ERBIN: variants seen among roughly 807,000 people sequenced by gnomAD.
ERBIN encodes erbb2 interacting protein.
ERBIN carries 60 observed loss-of-function variants against 158.4 expected under a neutral mutation model. The observed-to-expected ratio is 0.38, with a 90% CI of 0.31 to 0.47. The LOEUF is 0.47. Among genes scored for constraint, ERBIN ranks in the 20% least tolerant of loss-of-function variants. The pLI is 0.99. For synonymous variants in ERBIN, 594 were observed against 557.2 expected, an observed-to-expected ratio of 1.07 and a Z score of -0.93; for missense variants, 1,610 against 1,648.0, an observed-to-expected ratio of 0.98 and a Z score of 0.40.
chr5:65,981,635 A>C (rs1750661424), intron 1 of ERBIN, among the ~76,000 whole-genome samples: 1 of 151,064 alleles, frequency 6.6e-6, no homozygotes, highest in Non-Finnish European at 1.5e-5. Flanking sequence ...ATTTTGTTTT[A>C]GTTATTTTTA....
chr5:66,062,483 T>G (rs1222791774), intron 21 of ERBIN, among the ~76,000 whole-genome samples: 1 of 152,226 alleles, frequency 6.6e-6, no homozygotes, highest in African/African-American at 2.4e-5. Context: ...TGCCATTGGT[T>G]TGAACTTCCT....
chr5:65,947,390 T>C (rs1447850394), intron 1 of ERBIN, among the ~76,000 whole-genome samples: 1 of 152,136 alleles, frequency 6.6e-6, no homozygotes, highest in Non-Finnish European at 1.5e-5. Flanking sequence ...CCACCACGCC[T>C]GGATAATTTT....
chr5:66,006,305 C>T (rs1178695175), intron 4 of ERBIN, among the ~76,000 whole-genome samples: 4 of 152,094 alleles, frequency 2.6e-5, no homozygotes, highest in Non-Finnish European at 5.9e-5. Flanking sequence ...GAATTCCCTA[C>T]TTAATAAATG....
At chr5:66,059,311 A>G (rs1317739608) in intron 21 of ERBIN, among the ~76,000 whole-genome samples, 1 of 152,042 alleles carries the variant, frequency 6.6e-6, no homozygotes, top group African/African-American at 2.4e-5. Context: ...TGTGAATGGG[A>G]GTTCACTCAT....
At chr5:66,073,726 A>G (rs1245943390) in intron 22 of ERBIN, among the ~76,000 whole-genome samples, 1 of 152,170 alleles carries the variant, frequency 6.6e-6, no homozygotes, top group Non-Finnish European at 1.5e-5. Context: ...CTGGACCTCA[A>G]CTATTTCCCT....
intron 14 of ERBIN, among the ~76,000 whole-genome samples, chr5:66,033,546 A>T (rs1256866621): frequency 6.6e-6 from 1 of 152,228 alleles, no homozygotes; most frequent in Non-Finnish European, 1.5e-5. Flanking sequence ...GTCAGTTCAG[A>T]TTATATCTGA....
chr5:66,024,485 TAA>T, intron 10 of ERBIN, 35 bp downstream of exon 10: 1 of 1,558,094 alleles, frequency 6.4e-7, no homozygotes, highest in Non-Finnish European at 8.6e-7. Context: ...TAATTTTTAT[TAA>T]AATAAATTCG....
At chr5:65,932,337 CAAAAAA>C (rs1040732361) in intron 1 of ERBIN, among the ~76,000 whole-genome samples, 2 of 54,672 alleles carry the variant, frequency 3.7e-5, no homozygotes, top group Admixed American at 2.1e-4. Flanking sequence ...GACTCCGTCT[CAAAAAA>C]AAAAAAAAAA....
chr5:65,991,721 TAA>T, intron 2 of ERBIN, among the ~76,000 whole-genome samples: 1 of 152,338 alleles, frequency 6.6e-6, no homozygotes. Context: ...GTGTACTTAA[TAA>T]AGTTGGCCCT....
chr5:66,054,896 C>G lies in ERBIN; in HGVS notation c.3578C>G (p.Pro1193Arg), dbSNP rs375152600. 6.2e-7 allele frequency: 1 copy of G among 1,613,790 alleles called. No homozygotes were observed. Among genetic ancestry groups the G allele is most frequent in the Non-Finnish European group, 8.5e-7 (1 of 1,179,888 alleles). The change falls in exon 21 of 26, where the codon CCT (proline) becomes CGT (arginine). Residue 1193 changes from proline (P) to arginine (R), a missense_variant. By Grantham distance (103) the Pro-to-Arg change is moderately radical (BLOSUM62 -2). This residue lies in a region of ERBIN where 1,014 missense variants were observed against 936.1 expected (regional missense o/e 1.08). Transcript: ENST00000284037. The stretch of plus-strand genomic sequence containing the variant: ...GATCCTCCAGGAAAAAGTAAAGTTC[C>G]TCGTGACTGGAGAGAACAAGTACTT... ...LLDPPGKSKV[P>R]RDWREQVLRH...
At chr5:66,000,291 A>T (rs1752889698) in intron 4 of ERBIN, among the ~76,000 whole-genome samples, 2 of 152,172 alleles carry the variant, frequency 1.3e-5, no homozygotes, top group African/African-American at 4.8e-5. Context: ...CCTCATGTTT[A>T]TTACTCTAAA....
chr5:66,076,423 T>G lies in ERBIN; in HGVS notation c.4056+15T>G, dbSNP rs1761989951. On this transcript the variant is annotated intron_variant, in intron 24 of 25. Transcript: ENST00000284037. ...CTGATGATGATGTAAGTTTTCTTTG[T>G]ATATTCTTGAAACACCTATAAAGTT... 6.3e-7 allele frequency: 1 copy of G among 1,582,666 alleles called. No homozygotes were observed. Among genetic ancestry groups the G allele is most frequent in the African/African-American group, 1.4e-5 (1 of 73,918 alleles).
intron 1 of ERBIN, among the ~76,000 whole-genome samples, chr5:65,932,078 A>G (rs1343909554): frequency 6.6e-6 from 1 of 152,030 alleles, no homozygotes. Flanking sequence ...TCGGCCTCCC[A>G]AAGTGCTGGG....
intron 1 of ERBIN, among the ~76,000 whole-genome samples, chr5:65,942,622 A>G (rs893268754): frequency 2.0e-5 from 3 of 152,200 alleles, no homozygotes; most frequent in Non-Finnish European, 2.9e-5. Context: ...CATGATCTCA[A>G]GTTTTAAAAA....
chr5:65,994,805 C>A lies in ERBIN; in HGVS notation c.248C>A (p.Thr83Lys). ...KLSLPDNDLT[T>K]LPASIANLIN... ...AGTTTGCCAGACAATGATTTAACAA[C>A]GTTACCAGCATCCATTGCAAACCTT... Residue 83 changes from threonine (T) to lysine (K), a missense_variant, in exon 4 of 26, where the codon ACG (threonine) becomes AAG (lysine). By Grantham distance (78) the Thr-to-Lys change is moderately conservative. This residue lies in a region of ERBIN where 596 missense variants were observed against 711.9 expected (regional missense o/e 0.84). Transcript: ENST00000284037. 6.2e-7 allele frequency: 1 copy of A among 1,608,910 alleles called. No individual in the cohort carries two copies. The highest frequency in any genetic ancestry group is 8.5e-7 in the Non-Finnish European group (1 of 1,178,492).
Position 66,024,561 on chromosome 5 carries a change from C to T in ERBIN, c.817+111C>T, listed in dbSNP as rs1055803700. The T allele has an allele frequency of 3.5e-5, 37 of 1,067,518 alleles. 1 individual carries two copies. The highest frequency in any genetic ancestry group is 1.5e-4 in the South Asian group (9 of 61,234). 66.1% of individuals were successfully genotyped at this position (1,067,518 alleles called of 1,614,324 possible). A position where few individuals can be genotyped will look rare whatever the true frequency, so the allele number is the denominator to read the frequency against. Reference sequence around the variant, plus strand: ...TAGTTATACTTCGTTACCACAGGAACGGATTTTATTTGAATTTTTCCTGGT... The same window carrying T: ...TAGTTATACTTCGTTACCACAGGAATGGATTTTATTTGAATTTTTCCTGGT... On this transcript the variant is annotated intron_variant, in intron 10 of 25. Transcript: ENST00000284037.
chr5:65,932,378 A>AGT (rs2150840211), intron 1 of ERBIN, among the ~76,000 whole-genome samples: 1 of 151,478 alleles, frequency 6.6e-6, no homozygotes, highest in African/African-American at 2.4e-5. Context: ...GGGAATATGT[A>AGT]GTGGTACTAT....
rs566942949 is a variant in ERBIN, at chr5:65,944,509, ATCCTCCCACCTCG to A, written c.-58+17712_-58+17724del. ...CTCCTCTTCCTCCCATGCTCAAGCA[ATCCTCCCACCTCG>A]TCCTCCCAGGTAGCTGGGACTATAG... On this transcript the variant is annotated intron_variant, in intron 1 of 25. Coordinates refer to ENST00000284037, the MANE Select transcript of ERBIN (RefSeq NM_001253697.2). 3.7e-4 allele frequency among the ~76,000 whole-genome samples: 57 copies of A among 152,136 alleles called. 1 individual carries two copies. In the East Asian group the frequency reaches 8.7e-3, roughly 23 times the overall value.
At chr5:65,992,664 G>T (rs1407855805) in intron 2 of ERBIN, 46 bp from the exon 3 acceptor site, 10 of 1,372,500 alleles carry the variant, frequency 7.3e-6, no homozygotes, top group African/African-American at 1.5e-5. Flanking sequence ...CTGAAAAACC[G>T]TTGTAATATG....
Sources: gnomAD v4.1 joint callset for allele counts (sites outside exome capture counted in the v4.1 genomes callset) on GRCh38, gnomAD v4.1.1 for gene constraint, gnomAD v4.1.1 regional missense constraint, MANE v1.5 for transcripts, NCBI Gene and HGNC (gene_info 2026-07-23, HGNC 2026-07-21) for gene names.